The following CADPS variants were observed in gnomAD, a reference collection of about 807,000 sequenced individuals.
CADPS encodes calcium-dependent secretion activator 1.
Under a neutral mutation model 167.3 loss-of-function variants are expected in CADPS, and 57 were observed. That is an observed-to-expected ratio of 0.34 (90% CI 0.28 to 0.42). The LOEUF is 0.42. Among genes scored for constraint, CADPS ranks in the 20% least tolerant of loss-of-function variants. CADPS has a pLI of 1.00. For synonymous variants in CADPS, 676 were observed against 635.3 expected (o/e 1.06, Z -0.96); for missense variants, 1,414 against 1,738.1 (o/e 0.81, Z 3.32).
intron 6 of CADPS, among the ~76,000 whole-genome samples, chr3:62,606,238 A>T (rs1171713009): frequency 6.6e-6 from 1 of 152,212 alleles, no homozygotes. Context: ...CCCTTCAAAA[A>T]CACATTGTAA....
intron 6 of CADPS, among the ~76,000 whole-genome samples, chr3:62,632,547 G>T (rs2065484669): frequency 6.6e-6 from 1 of 152,084 alleles, no homozygotes; most frequent in Non-Finnish European, 1.5e-5. Context: ...TTATTTACAT[G>T]TAATTAAACA....
At chr3:62,443,817 A>G (rs1444278264) in intron 27 of CADPS, among the ~76,000 whole-genome samples, 1 of 152,226 alleles carries the variant, frequency 6.6e-6, no homozygotes, top group Non-Finnish European at 1.5e-5. Context: ...TAGTAGCATG[A>G]AAATGGACTA....
At position 62,446,307 on chromosome 3, in the gene CADPS, C is replaced by T. The variant is rs974075931; in HGVS notation, c.3637-510G>A. ...TGTCTGCGGGTAGGGGGATGAGAAC[C>T]TTTCAAAACTGCCCAAAGGCTGCCG... On this transcript the variant is annotated intron_variant, in intron 26 of 29. Transcript: ENST00000383710. This position sits in a 1 kb window ranked among gnomAD's most constrained non-coding sequence, Gnocchi z 4.9. Among the ~76,000 whole-genome samples, 1 of 152,140 alleles carries T rather than the reference C, an allele frequency of 6.6e-6. No individual in the cohort carries two copies. The highest frequency in any genetic ancestry group is 6.6e-5 in the Admixed American group (1 of 15,266).
intron 26 of CADPS, among the ~76,000 whole-genome samples, chr3:62,450,692 A>C (rs2057909491): frequency 6.6e-6 from 1 of 152,234 alleles, no homozygotes; most frequent in Non-Finnish European, 1.5e-5. Context: ...GGCTAAGGAT[A>C]AAATTGGGAA....
intron 24 of CADPS, among the ~76,000 whole-genome samples, chr3:62,468,159 A>G (rs1012911687): frequency 2.0e-5 from 3 of 152,182 alleles, no homozygotes; most frequent in African/African-American, 7.2e-5. Context: ...TTTGCTAGAA[A>G]CACAAAGAAA....
At position 62,757,476 on chromosome 3, in the gene CADPS, A is replaced by G. The variant is rs576191891; in HGVS notation, c.556-3703T>C. Among the ~76,000 whole-genome samples, 4 of 152,240 alleles carry G rather than the reference A, an allele frequency of 2.6e-5. No individual in the cohort carries two copies. In the South Asian group the frequency reaches 8.3e-4, roughly 32 times the overall value. On this transcript the variant is annotated intron_variant, in intron 2 of 29. Transcript: ENST00000383710. ...TCAGTAAATATTTGTGGAATGAGTG[A>G]ATGAACTATAAGAGCAAAGCAGACT...
rs114804059 is a variant in CADPS, at chr3:62,470,081, A to G, written c.3478-3668T>C. On this transcript the variant is annotated intron_variant, in intron 24 of 29. Transcript: ENST00000383710. Reference sequence around the variant, plus strand: ...GAAAACACACTAGACCAAGTGAGAAACTATTTAATACGCAATTTCCCTTCT... The same window carrying G: ...GAAAACACACTAGACCAAGTGAGAAGCTATTTAATACGCAATTTCCCTTCT... Among the ~76,000 whole-genome samples, 1,005 of 152,328 alleles carry G rather than the reference A, an allele frequency of 6.6e-3. 16 individuals are homozygous for G. The highest frequency in any genetic ancestry group is 0.023 in the African/African-American group (944 of 41,572).
intron 1 of CADPS, among the ~76,000 whole-genome samples, chr3:62,870,142 G>C (rs2082362161): frequency 6.6e-6 from 1 of 152,086 alleles, no homozygotes; most frequent in Non-Finnish European, 1.5e-5. Flanking sequence ...AAATGGGGAG[G>C]GGAGAATGCC....
chr3:62,830,064 T>C (rs2074796445), intron 1 of CADPS, among the ~76,000 whole-genome samples: 1 of 152,192 alleles, frequency 6.6e-6, no homozygotes, highest in Non-Finnish European at 1.5e-5. Flanking sequence ...CCACCCCCAC[T>C]GCCCATGCCA....
intron 11 of CADPS, 55 bp downstream of exon 11, chr3:62,549,848 G>A (rs940084803): frequency 7.4e-7 from 1 of 1,344,110 alleles, no homozygotes; most frequent in Non-Finnish European, 1.0e-6. Flanking sequence ...ATTCAACTTT[G>A]GAAGGTTTAC....
intron 8 of CADPS, among the ~76,000 whole-genome samples, chr3:62,578,435 C>G (rs1578142305): frequency 6.6e-6 from 1 of 151,636 alleles, no homozygotes; most frequent in African/African-American, 2.4e-5. Flanking sequence ...ACGGTGAAAC[C>G]CTGTCTGTAC....
At chr3:62,783,786 C>G (rs2092067944) in intron 1 of CADPS, among the ~76,000 whole-genome samples, 1 of 152,128 alleles carries the variant, frequency 6.6e-6, no homozygotes, top group Non-Finnish European at 1.5e-5. Context: ...GCTTTAGATA[C>G]TGTTATAGAA....
At chr3:62,635,637 G>T (rs1475596870) in intron 6 of CADPS, among the ~76,000 whole-genome samples, 4 of 94,378 alleles carry the variant, frequency 4.2e-5, no homozygotes, top group African/African-American at 1.5e-4. Context: ...TACTTTTCGG[G>T]CTTTCTCTGT....
chr3:62,851,793 C>A (rs1258198991), intron 1 of CADPS, among the ~76,000 whole-genome samples: 1 of 150,180 alleles, frequency 6.7e-6, no homozygotes, highest in Non-Finnish European at 1.5e-5. Context: ...GTGGCATTCT[C>A]TGTATTTCCT....
At position 62,589,015 on chromosome 3, in the gene CADPS, A is replaced by G. The variant is rs557008805; in HGVS notation, c.1437+3622T>C. Reference sequence around the variant, plus strand: ...AAGGGATACGAGGGTGAGATAGAAGAGAAAAATTAATTTTCACTATATATC... The same window carrying G: ...AAGGGATACGAGGGTGAGATAGAAGGGAAAAATTAATTTTCACTATATATC... On this transcript the variant is annotated intron_variant, in intron 7 of 29. Coordinates refer to ENST00000383710, the MANE Select transcript of CADPS (RefSeq NM_003716.4). 1.4e-4 allele frequency among the ~76,000 whole-genome samples: 22 copies of G among 152,368 alleles called. No homozygotes were observed. In the South Asian group the frequency reaches 4.4e-3, roughly 30 times the overall value.
intron 1 of CADPS, among the ~76,000 whole-genome samples, chr3:62,869,077 G>T (rs989078711): frequency 6.6e-6 from 1 of 152,056 alleles, no homozygotes; most frequent in Non-Finnish European, 1.5e-5. Flanking sequence ...ATGTCATACT[G>T]GTTGAGCATC....
Position 62,765,892 on chromosome 3 carries a change from G to T in CADPS, c.534C>A (p.Asn178Lys), listed in dbSNP as rs768387474. 7 of 1,611,456 alleles carry T rather than the reference G, an allele frequency of 4.3e-6. No individual in the cohort carries two copies. Among genetic ancestry groups the T allele is most frequent in the Non-Finnish European group, 5.9e-6 (7 of 1,177,944 alleles). ...TCACCTCATAGTAACTCTGCACAGC[G>T]TTCATGAAGGCTTCGTCAGCCATGA... The part of the protein sequence containing the change: ...TQIMADEAFM[N>K]AVQSYYEVFL... Residue 178 changes from asparagine to lysine, a missense_variant, in exon 2 of 30, where the codon AAC (asparagine) becomes AAA (lysine). Transcript: ENST00000383710.
intron 8 of CADPS, among the ~76,000 whole-genome samples, chr3:62,578,480 G>A (rs2082730390): frequency 6.6e-6 from 1 of 151,656 alleles, no homozygotes; most frequent in Admixed American, 6.6e-5. Flanking sequence ...CATGGTGGCG[G>A]GCACCTGTAG....
At chr3:62,828,781 A>G (rs1559815707) in intron 1 of CADPS, among the ~76,000 whole-genome samples, 1 of 152,152 alleles carries the variant, frequency 6.6e-6, no homozygotes, top group Non-Finnish European at 1.5e-5. Flanking sequence ...TTAAATTTCA[A>G]TTTTGCTTAT....
Sources: gnomAD v4.1 joint callset for allele counts (sites outside exome capture counted in the v4.1 genomes callset) on GRCh38, gnomAD v4.1.1 for gene constraint, Gnocchi (gnomAD v3.1) non-coding constraint, MANE v1.5 for transcripts, NCBI Gene and HGNC (gene_info 2026-07-23, HGNC 2026-07-21) for gene names.